The following R3HDM1 variants were observed in gnomAD, a reference collection of about 807,000 sequenced individuals.
The protein encoded by R3HDM1 is R3H domain containing 1.
A neutral mutation model predicts 141.1 loss-of-function variants in R3HDM1; 46 were observed. That is an observed-to-expected ratio of 0.33 (90% confidence interval 0.26 to 0.42). The LOEUF is 0.42. Among genes scored for constraint, R3HDM1 ranks in the 10% least tolerant of loss-of-function variants. The pLI, the probability that R3HDM1 is intolerant of heterozygous loss-of-function variation, is 1.00. For missense variants in R3HDM1, 1,184 were observed against 1,368.3 expected, an observed-to-expected ratio of 0.87 and a Z score of 2.12; for synonymous variants, 435 against 472.9, an observed-to-expected ratio of 0.92 and a Z score of 1.04.
chr2:135,624,443 T>G (rs892356087), intron 7 of R3HDM1, among the ~76,000 whole-genome samples: 1 of 148,974 alleles, frequency 6.7e-6, no homozygotes, highest in South Asian at 2.1e-4. Context: ...TGGTGAGATA[T>G]GAAGCATAGG....
chr2:135,645,926 A>G (rs1445369934), intron 16 of R3HDM1, among the ~76,000 whole-genome samples: 1 of 152,190 alleles, frequency 6.6e-6, no homozygotes, highest in Non-Finnish European at 1.5e-5. Flanking sequence ...CAGGTTCTGC[A>G]AGGTACTCTT....
At chr2:135,708,801 A>C (rs1171578515) in intron 21 of R3HDM1, among the ~76,000 whole-genome samples, 2 of 151,934 alleles carry the variant, frequency 1.3e-5, no homozygotes, top group Non-Finnish European at 2.9e-5. Context: ...TCTACTAAAA[A>C]TGCAAAAAGT....
chr2:135,646,055 T>G (rs919374927), intron 16 of R3HDM1, among the ~76,000 whole-genome samples: 1 of 152,226 alleles, frequency 6.6e-6, no homozygotes, highest in South Asian at 2.1e-4. Context: ...CATTTTCACA[T>G]TCAGTCTTTT....
intron 7 of R3HDM1, among the ~76,000 whole-genome samples, chr2:135,625,818 G>A (rs890671750): frequency 6.6e-6 from 1 of 152,170 alleles, no homozygotes; most frequent in Non-Finnish European, 1.5e-5. Context: ...ACACATGGAG[G>A]TTCCTGGAGG....
At chr2:135,534,388 T>C (rs1695587586) in intron 1 of R3HDM1, among the ~76,000 whole-genome samples, 2 of 152,152 alleles carry the variant, frequency 1.3e-5, no homozygotes, top group South Asian at 4.1e-4. Context: ...GTGACTACAG[T>C]TTTGTTGCTG....
At chr2:135,651,601 T>C in intron 17 of R3HDM1, 129 bp from the exon 18 acceptor site, 2 of 1,305,196 alleles carry the variant, frequency 1.5e-6, no homozygotes, top group Non-Finnish European at 2.0e-6. Flanking sequence ...ACATAATTGC[T>C]GTTGTTGATA....
At chr2:135,607,512 A>C (rs2060179014) in intron 3 of R3HDM1, among the ~76,000 whole-genome samples, 1 of 152,194 alleles carries the variant, frequency 6.6e-6, no homozygotes. Flanking sequence ...AGAACAACAA[A>C]AAATTGCCAT....
intron 1 of R3HDM1, among the ~76,000 whole-genome samples, chr2:135,542,991 G>A (rs1037752072): frequency 6.6e-6 from 1 of 152,142 alleles, no homozygotes; most frequent in African/African-American, 2.4e-5. Flanking sequence ...CCTGCCTCAG[G>A]CCTCCCAAAG....
At chr2:135,564,599 C>T (rs895433643) in intron 1 of R3HDM1, among the ~76,000 whole-genome samples, 6 of 152,196 alleles carry the variant, frequency 3.9e-5, no homozygotes, top group South Asian at 2.1e-4. Context: ...AGATTACAGG[C>T]GTGAGCCACC....
At chr2:135,572,133 GT>G (rs1704262645) in intron 1 of R3HDM1, among the ~76,000 whole-genome samples, 1 of 151,800 alleles carries the variant, frequency 6.6e-6, no homozygotes, top group Admixed American at 6.6e-5. Context: ...AATTTTTTTG[GT>G]TTTTGTAGAG....
chr2:135,659,962 A>G (rs2066479505), intron 18 of R3HDM1, among the ~76,000 whole-genome samples: 1 of 152,234 alleles, frequency 6.6e-6, no homozygotes, highest in Non-Finnish European at 1.5e-5. Flanking sequence ...GGCCACCATC[A>G]TATATGCAAT....
rs756093383 is a variant in R3HDM1, at chr2:135,631,973, A to G, written c.670A>G (p.Ile224Val). The G allele has an allele frequency of 1.9e-6, 3 of 1,610,030 alleles. No homozygotes were observed. Among genetic ancestry groups the G allele is most frequent in the East Asian group, 2.2e-5 (1 of 44,740 alleles). ...HNVDQSGKSV[I>V]VNKTSNTRIP... ...TGTTGATCAGAGTGGGAAGTCTGTC[A>G]TAGTAAACAAAACTAGCAATACAAG... Residue 224 changes from isoleucine to valine, a missense_variant, in exon 9 of 27, where the codon ATA (isoleucine) becomes GTA (valine). Coordinates refer to ENST00000683871, the MANE Select transcript of R3HDM1 (RefSeq NM_001378107.1).
At chr2:135,654,740 C>T (rs1157490902) in intron 18 of R3HDM1, among the ~76,000 whole-genome samples, 1 of 152,098 alleles carries the variant, frequency 6.6e-6, no homozygotes, top group East Asian at 1.9e-4. Flanking sequence ...TGAGCCACCG[C>T]ACCTGGCCAA....
At chr2:135,547,045 T>C (rs1698841672) in intron 1 of R3HDM1, among the ~76,000 whole-genome samples, 2 of 152,166 alleles carry the variant, frequency 1.3e-5, no homozygotes, top group African/African-American at 2.4e-5. Context: ...AGAAAGAAGA[T>C]GGTCAGATTG....
chr2:135,655,804 T>A (rs1399085290), intron 18 of R3HDM1, among the ~76,000 whole-genome samples: 1 of 152,158 alleles, frequency 6.6e-6, no homozygotes, highest in Non-Finnish European at 1.5e-5. Context: ...TACTCTGTTC[T>A]TTTTCAAAAT....
At chr2:135,570,388 G>A (rs1703839912) in intron 1 of R3HDM1, among the ~76,000 whole-genome samples, 1 of 152,180 alleles carries the variant, frequency 6.6e-6, no homozygotes, top group Non-Finnish European at 1.5e-5. Context: ...TGTGGCCCAT[G>A]TACTTGCAAA....
At chr2:135,676,295 C>A (rs1229546181) in intron 20 of R3HDM1, among the ~76,000 whole-genome samples, 1 of 151,752 alleles carries the variant, frequency 6.6e-6, no homozygotes, top group Non-Finnish European at 1.5e-5. Context: ...CCAGCCTGGG[C>A]AACAGGCAGA....
At chr2:135,539,754 T>C (rs144497409) in intron 1 of R3HDM1, among the ~76,000 whole-genome samples, 23 of 152,354 alleles carry the variant, frequency 1.5e-4, no homozygotes, top group African/African-American at 5.3e-4. Context: ...AATTTTTAAA[T>C]ATTGCTAAAA....
chr2:135,589,036 A>G (rs1559180756), intron 1 of R3HDM1, among the ~76,000 whole-genome samples: 4 of 152,302 alleles, frequency 2.6e-5, no homozygotes, highest in East Asian at 3.9e-4. Flanking sequence ...TATTTAAAAT[A>G]GAAGAACAGA....
Sources: allele counts gnomAD v4.1 joint callset (sites outside exome capture counted in the v4.1 genomes callset), GRCh38; gene constraint gnomAD v4.1.1; transcripts MANE v1.5; gene names NCBI Gene and HGNC (gene_info 2026-07-23, HGNC 2026-07-21).